The following GRIK1 variants were observed in gnomAD, a reference collection of about 807,000 sequenced individuals.
The protein encoded by GRIK1 is glutamate receptor ionotropic, kainate 1.
A neutral mutation model predicts 105.7 loss-of-function variants in GRIK1; 69 were observed. The observed-to-expected ratio is 0.65, with a 90% CI of 0.54 to 0.80. The LOEUF (loss-of-function observed/expected upper bound fraction) is 0.80. GRIK1 is among the 30% of genes least tolerant of loss of function. The probability of loss-of-function intolerance (pLI) is 0.00; values close to 1 mark genes in which losing one functional copy is unlikely to be tolerated. For synonymous variants in GRIK1, 438 were observed against 431.3 expected (o/e 1.02, Z -0.19); for missense variants, 1,109 against 1,167.3 (o/e 0.95, Z 0.73).
intron 1 of GRIK1, among the ~76,000 whole-genome samples, chr21:29,812,978 C>T (rs2067052302): frequency 6.6e-6 from 1 of 152,106 alleles, no homozygotes; most frequent in Non-Finnish European, 1.5e-5. Flanking sequence ...ATAAGATATT[C>T]TGGGTACAGG....
At chr21:29,772,938 A>G (rs2065849244) in intron 1 of GRIK1, among the ~76,000 whole-genome samples, 1 of 152,164 alleles carries the variant, frequency 6.6e-6, no homozygotes, top group East Asian at 1.9e-4. Context: ...AAAATTTCTA[A>G]TGATTGGAAA....
rs150300922 is a variant in GRIK1, at chr21:29,541,261, C to T, written c.2608-3377G>A. 1.9e-3 allele frequency among the ~76,000 whole-genome samples: 294 copies of T among 152,284 alleles called. 2 individuals carry two copies. Among genetic ancestry groups the T allele is most frequent in the African/African-American group, 6.6e-3 (275 of 41,552 alleles). On this transcript the variant is annotated intron_variant, in intron 16 of 17. Coordinates refer to ENST00000327783, the MANE Select transcript of GRIK1 (RefSeq NM_001330994.2). ...GATTACAGGCGTAAGCCACCGTGTC[C>T]GGCCTACAAGTGACTTTTAATTACA...
intron 1 of GRIK1, among the ~76,000 whole-genome samples, chr21:29,863,116 T>A (rs1487164479): frequency 6.6e-6 from 1 of 152,228 alleles, no homozygotes; most frequent in Admixed American, 6.5e-5. Context: ...ACCATAAAAT[T>A]ATTTTGATGT....
chr21:29,791,485 A>AAAG (rs1437639866), intron 1 of GRIK1, among the ~76,000 whole-genome samples: 1 of 152,086 alleles, frequency 6.6e-6, no homozygotes, highest in African/African-American at 2.4e-5. Flanking sequence ...AGGGAGAGAC[A>AAAG]AAGAAGAAGA....
chr21:29,596,619 T>G (rs774304958), intron 8 of GRIK1, 49 bp from the exon 9 acceptor site: 2 of 1,343,574 alleles, frequency 1.5e-6, no homozygotes, highest in African/African-American at 1.4e-5. Context: ...TTAATTAAAA[T>G]GGAGCGTGAA....
intron 1 of GRIK1, among the ~76,000 whole-genome samples, chr21:29,750,991 A>G (rs892695250): frequency 1.3e-5 from 2 of 152,146 alleles, no homozygotes; most frequent in Non-Finnish European, 2.9e-5. Flanking sequence ...GTGGAAAATT[A>G]CAGTCAAAGG....
At chr21:29,766,411 GC>G (rs948188990) in intron 1 of GRIK1, among the ~76,000 whole-genome samples, 16 of 152,106 alleles carry the variant, frequency 1.1e-4, no homozygotes, top group Non-Finnish European at 1.8e-4. Flanking sequence ...GCACAGGGCA[GC>G]CCCCCACAAT....
At chr21:29,603,569 T>C (rs2061558841) in intron 7 of GRIK1, among the ~76,000 whole-genome samples, 1 of 152,214 alleles carries the variant, frequency 6.6e-6, no homozygotes, top group Non-Finnish European at 1.5e-5. Flanking sequence ...TGTGTCTATT[T>C]AGGTACACCT....
At chr21:29,571,359 A>G (rs181816462) in intron 14 of GRIK1, among the ~76,000 whole-genome samples, 35 of 152,248 alleles carry the variant, frequency 2.3e-4, no homozygotes, top group Admixed American at 2.2e-3. Flanking sequence ...TCCATTAAAA[A>G]AAAAAGAAAA....
intron 14 of GRIK1, among the ~76,000 whole-genome samples, chr21:29,572,962 G>A (rs915446223): frequency 1.3e-5 from 2 of 152,058 alleles, no homozygotes; most frequent in South Asian, 2.1e-4. Context: ...TAGTAGGGAC[G>A]GGGTTTCTCC....
intron 1 of GRIK1, among the ~76,000 whole-genome samples, chr21:29,699,783 G>A (rs1199522182): frequency 1.3e-5 from 2 of 151,728 alleles, no homozygotes; most frequent in Non-Finnish European, 2.9e-5. Flanking sequence ...CTAGTAGCTG[G>A]GATTACAGGC....
At chr21:29,579,279 A>G (rs2090963755) in intron 13 of GRIK1, among the ~76,000 whole-genome samples, 1 of 152,146 alleles carries the variant, frequency 6.6e-6, no homozygotes, top group Non-Finnish European at 1.5e-5. Flanking sequence ...ATTTTTGTGA[A>G]TTTTGTAATT....
chr21:29,764,248 T>C (rs1176947183), intron 1 of GRIK1, among the ~76,000 whole-genome samples: 2 of 152,160 alleles, frequency 1.3e-5, no homozygotes, highest in African/African-American at 2.4e-5. Context: ...GGTGAAAACA[T>C]TATCTAGGAT....
At chr21:29,836,817 G>C (rs2067821537) in intron 1 of GRIK1, among the ~76,000 whole-genome samples, 1 of 152,140 alleles carries the variant, frequency 6.6e-6, no homozygotes, top group South Asian at 2.1e-4. Context: ...GAAGTATAAA[G>C]CTTAGTTATC....
At chr21:29,755,883 A>T (rs1358284209) in intron 1 of GRIK1, among the ~76,000 whole-genome samples, 1 of 152,220 alleles carries the variant, frequency 6.6e-6, no homozygotes, top group Non-Finnish European at 1.5e-5. Flanking sequence ...AAAGGTTCGG[A>T]TAACATTTTA....
chr21:29,812,152 T>C (rs926847410), intron 1 of GRIK1, among the ~76,000 whole-genome samples: 2 of 152,192 alleles, frequency 1.3e-5, no homozygotes, highest in African/African-American at 4.8e-5. Flanking sequence ...TTTCAAATTT[T>C]CCCAATATAA....
intron 14 of GRIK1, among the ~76,000 whole-genome samples, chr21:29,569,220 A>C (rs1188830968): frequency 6.6e-6 from 1 of 152,222 alleles, no homozygotes; most frequent in African/African-American, 2.4e-5. Context: ...AAAAAATAGG[A>C]CTAATAGCTA....
intron 1 of GRIK1, among the ~76,000 whole-genome samples, chr21:29,921,728 C>G (rs2071199742): frequency 6.6e-6 from 1 of 152,152 alleles, no homozygotes; most frequent in Non-Finnish European, 1.5e-5. Context: ...TTTTGTTTCT[C>G]TGCACATAAG....
At chr21:29,568,108 G>C (rs2090653275) in intron 14 of GRIK1, among the ~76,000 whole-genome samples, 1 of 152,098 alleles carries the variant, frequency 6.6e-6, no homozygotes, top group South Asian at 2.1e-4. Flanking sequence ...GTTAAAGATT[G>C]GTCTATTACA....
Sources: allele counts gnomAD v4.1 joint callset (sites outside exome capture counted in the v4.1 genomes callset), GRCh38; gene constraint gnomAD v4.1.1; transcripts MANE v1.5; gene names NCBI Gene and HGNC (gene_info 2026-07-23, HGNC 2026-07-21).